The following KCNQ5 variants were observed in gnomAD, a reference collection of about 807,000 sequenced individuals.
KCNQ5 encodes the protein potassium voltage-gated channel subfamily Q member 5.
A neutral mutation model predicts 98.2 loss-of-function variants in KCNQ5; 30 were observed. The observed-to-expected ratio is 0.31, with a 90% CI of 0.23 to 0.41. The LOEUF is 0.41. KCNQ5 is among the 10% of genes least tolerant of loss of function. The pLI, the probability that KCNQ5 is intolerant of heterozygous loss-of-function variation, is 1.00. For missense variants in KCNQ5, 835 were observed against 1,182.5 expected (o/e 0.71, Z 4.31); for synonymous variants, 458 against 449.4 (o/e 1.02, Z -0.24).
chr6:73,042,398 T>C (rs1279477214), intron 3 of KCNQ5, among the ~76,000 whole-genome samples: 1 of 152,172 alleles, frequency 6.6e-6, no homozygotes, highest in African/African-American at 2.4e-5. Flanking sequence ...AATTAACTTA[T>C]ATGGAAATAC....
chr6:72,760,031 A>G (rs965838462), intron 1 of KCNQ5, among the ~76,000 whole-genome samples: 4 of 152,140 alleles, frequency 2.6e-5, no homozygotes, highest in African/African-American at 9.7e-5. Context: ...AATCCTGAGC[A>G]GAATGTACTG....
At chr6:72,778,663 G>T (rs889734553) in intron 1 of KCNQ5, among the ~76,000 whole-genome samples, 1 of 152,126 alleles carries the variant, frequency 6.6e-6, no homozygotes, top group African/African-American at 2.4e-5. Flanking sequence ...CTTGATTGTG[G>T]TAATAATTTC....
At chr6:72,683,925 C>T (rs749607686) in intron 1 of KCNQ5, among the ~76,000 whole-genome samples, 2 of 152,250 alleles carry the variant, frequency 1.3e-5, no homozygotes, top group Non-Finnish European at 1.5e-5. Context: ...TTTCTGTCCT[C>T]ATGGAAAGTC....
chr6:73,118,272 C>A (rs997167229), intron 7 of KCNQ5, among the ~76,000 whole-genome samples: 1 of 152,196 alleles, frequency 6.6e-6, no homozygotes, highest in African/African-American at 2.4e-5. Context: ...TGGAAATGTA[C>A]TCCTTGGTGT....
At chr6:73,144,317 A>T (rs543569491) in intron 10 of KCNQ5, among the ~76,000 whole-genome samples, 5 of 152,292 alleles carry the variant, frequency 3.3e-5, no homozygotes, top group Non-Finnish European at 7.4e-5. Context: ...TTTGCCATGT[A>T]TAATGCATAA....
intron 1 of KCNQ5, among the ~76,000 whole-genome samples, chr6:72,962,760 C>T (rs763451001): frequency 4.6e-5 from 7 of 152,150 alleles, no homozygotes; most frequent in Admixed American, 6.5e-5. Context: ...AGTTGTGAGG[C>T]CACTGGAGCC....
At chr6:72,918,298 A>T (rs2150213756) in intron 1 of KCNQ5, among the ~76,000 whole-genome samples, 1 of 152,002 alleles carries the variant, frequency 6.6e-6, no homozygotes, top group South Asian at 2.1e-4. Flanking sequence ...TAAGTATGGG[A>T]CCCCTGTTTT....
chr6:73,063,044 A>G (rs775120539), intron 3 of KCNQ5, among the ~76,000 whole-genome samples: 8 of 152,134 alleles, frequency 5.3e-5, no homozygotes, highest in Non-Finnish European at 8.8e-5. Context: ...ACTATTTTTG[A>G]ATTATGCTTT....
At chr6:72,840,708 T>G (rs1776750002) in intron 1 of KCNQ5, among the ~76,000 whole-genome samples, 1 of 152,228 alleles carries the variant, frequency 6.6e-6, no homozygotes, top group Non-Finnish European at 1.5e-5. Context: ...TGGAAACTCC[T>G]ATACTGATTT....
intron 1 of KCNQ5, among the ~76,000 whole-genome samples, chr6:72,936,947 T>A (rs1765949657): frequency 6.6e-6 from 1 of 152,208 alleles, no homozygotes; most frequent in Admixed American, 6.5e-5. Context: ...TTTCTCACAT[T>A]TTCATTTGTG....
At chr6:72,973,384 G>T (rs993171711) in intron 1 of KCNQ5, among the ~76,000 whole-genome samples, 2 of 152,022 alleles carry the variant, frequency 1.3e-5, no homozygotes, top group Non-Finnish European at 2.9e-5. Context: ...AGATGCCATG[G>T]ATTTTTTTGT....
At chr6:72,976,810 C>G (rs1562105076) in intron 1 of KCNQ5, among the ~76,000 whole-genome samples, 1 of 152,194 alleles carries the variant, frequency 6.6e-6, no homozygotes, top group African/African-American at 2.4e-5. Context: ...TAACAAGAAG[C>G]TGAATGCAGA....
intron 1 of KCNQ5, among the ~76,000 whole-genome samples, chr6:72,835,177 A>G (rs1776447124): frequency 6.6e-6 from 1 of 151,976 alleles, no homozygotes; most frequent in Non-Finnish European, 1.5e-5. Context: ...CCTCCCCATC[A>G]CTAACCATAG....
chr6:73,116,453 G>A (rs1026647136), intron 7 of KCNQ5, among the ~76,000 whole-genome samples: 2 of 152,074 alleles, frequency 1.3e-5, no homozygotes, highest in African/African-American at 4.8e-5. Flanking sequence ...ATCACTTGAG[G>A]CCAGGAGTTC....
rs1041492949 is a variant in KCNQ5, at chr6:73,069,757, G to A, written c.617-7565G>A. On this transcript the variant is annotated intron_variant, in intron 3 of 13. Coordinates refer to ENST00000370398, the MANE Select transcript of KCNQ5 (RefSeq NM_019842.4). ...GAAGGGCCTTCTAGGCAGAGCAGCA[G>A]CATTTTATAGAGCACTTTGAATGCC... Among the ~76,000 whole-genome samples, 65 of 152,160 alleles carry A rather than the reference G, an allele frequency of 4.3e-4. 2 individuals are homozygous for A. Among genetic ancestry groups the A allele is most frequent in the Admixed American group, 2.0e-4 (3 of 15,274 alleles).
intron 1 of KCNQ5, among the ~76,000 whole-genome samples, chr6:72,681,852 A>G (rs1251241852): frequency 1.3e-5 from 2 of 152,060 alleles, no homozygotes; most frequent in Non-Finnish European, 2.9e-5. Flanking sequence ...AGTCAGTCTA[A>G]ATTATTTAAA....
chr6:73,133,374 G>A, intron 9 of KCNQ5, 47 bp from the exon 10 acceptor site: 1 of 1,543,126 alleles, frequency 6.5e-7, no homozygotes, highest in South Asian at 1.1e-5. Flanking sequence ...CAAGCAAAGT[G>A]GAAGAAATTG....
intron 1 of KCNQ5, among the ~76,000 whole-genome samples, chr6:72,726,151 A>G (rs1296757663): frequency 1.3e-5 from 2 of 151,918 alleles, no homozygotes; most frequent in Non-Finnish European, 2.9e-5. Flanking sequence ...CCTTACACTT[A>G]TCAGAAAAAC....
chr6:73,166,392 T>A (rs1046016718), intron 10 of KCNQ5, among the ~76,000 whole-genome samples: 22 of 151,318 alleles, frequency 1.5e-4, no homozygotes, highest in Admixed American at 1.2e-3. Context: ...GCCGAGATCA[T>A]GCCACTGCAC....
Sources: gnomAD v4.1 joint callset for allele counts (sites outside exome capture counted in the v4.1 genomes callset) on GRCh38, gnomAD v4.1.1 for gene constraint, MANE v1.5 for transcripts, NCBI Gene and HGNC (gene_info 2026-07-23, HGNC 2026-07-21) for gene names.